SNX29: variants seen among roughly 807,000 people sequenced by gnomAD.
SNX29 encodes sorting nexin-29.
Under a neutral mutation model 102.1 loss-of-function variants are expected in SNX29, and 78 were observed. That is an observed-to-expected ratio of 0.76 (90% CI 0.64 to 0.92). The LOEUF (loss-of-function observed/expected upper bound fraction) is 0.92, where lower values mean the gene tolerates loss of function less well. Ranked by LOEUF, SNX29 falls within the 40% of genes least tolerant of loss-of-function variation. The probability of loss-of-function intolerance (pLI) is 0.00; values close to 1 mark genes in which losing one functional copy is unlikely to be tolerated. For synonymous variants in SNX29, 580 were observed against 414.5 expected (o/e 1.40, Z -4.85); for missense variants, 1,280 against 1,061.7 (o/e 1.21, Z -2.86).
chr16:12,485,100 G>T (rs186862909), intron 19 of SNX29, among the ~76,000 whole-genome samples: 8 of 152,308 alleles, frequency 5.3e-5, no homozygotes, highest in African/African-American at 1.4e-4. Flanking sequence ...AATTCCAAAA[G>T]TGAGTACATA....
chr16:12,541,156 C>G (rs1223768448), intron 20 of SNX29, among the ~76,000 whole-genome samples: 2 of 152,150 alleles, frequency 1.3e-5, no homozygotes, highest in Non-Finnish European at 2.9e-5. Flanking sequence ...TACATCATAC[C>G]CAGACCTGGA....
intron 18 of SNX29, among the ~76,000 whole-genome samples, chr16:12,460,657 CTTTTTT>C (rs56823217): frequency 7.5e-6 from 1 of 133,688 alleles, no homozygotes; most frequent in African/African-American, 2.9e-5. Context: ...TGTGTGAACT[CTTTTTT>C]TTTTTTTTTT....
chr16:12,439,690 C>CTTG (rs747210730), intron 18 of SNX29, among the ~76,000 whole-genome samples: 3,897 of 152,292 alleles, frequency 0.026, 84 homozygotes, highest in East Asian at 0.096. Context: ...ATGGCAGCTA[C>CTTG]AATTCAAGAT....
chr16:12,519,963 G>A (rs894593341), intron 19 of SNX29, among the ~76,000 whole-genome samples: 14 of 152,118 alleles, frequency 9.2e-5, no homozygotes, highest in Non-Finnish European at 1.3e-4. Context: ...CAGCCTGGGC[G>A]ACAGAGCGAG....
At position 12,568,922 on chromosome 16, in the gene SNX29, G is replaced by C. The variant is rs1598129725; in HGVS notation, c.*293G>C. On this transcript the variant is annotated 3_prime_UTR_variant, in exon 21 of 21. Coordinates refer to ENST00000566228, the MANE Select transcript of SNX29 (RefSeq NM_032167.5). Reference sequence around the variant, plus strand: ...AGGGCTGTTCCTCCACCTTTCTGTAGTTCAGGGCTGGCAGGAGGGTGGGCA... The same window carrying C: ...AGGGCTGTTCCTCCACCTTTCTGTACTTCAGGGCTGGCAGGAGGGTGGGCA... 10 of 427,444 alleles carry C rather than the reference G, an allele frequency of 2.3e-5. No individual in the cohort carries two copies. In the East Asian group the frequency reaches 4.2e-4, roughly 18 times the overall value. The allele number at this position is 427,444 out of a possible 1,614,324, so 26.5% of individuals were successfully genotyped here.
intron 8 of SNX29, among the ~76,000 whole-genome samples, chr16:12,059,094 A>G (rs553892802): frequency 2.2e-4 from 34 of 152,154 alleles, no homozygotes; most frequent in Non-Finnish European, 4.3e-4. Context: ...ACTCATTTTG[A>G]GGCGGTGGTC....
intron 14 of SNX29, among the ~76,000 whole-genome samples, chr16:12,226,680 T>G (rs1353631218): frequency 6.6e-6 from 1 of 151,256 alleles, no homozygotes; most frequent in Non-Finnish European, 1.5e-5. Context: ...TTCAAGCAAT[T>G]CTCCTGCCTC....
intron 13 of SNX29, among the ~76,000 whole-genome samples, chr16:12,168,618 G>A (rs2076072095): frequency 6.6e-6 from 1 of 152,164 alleles, no homozygotes; most frequent in Non-Finnish European, 1.5e-5. Context: ...CATTGGCGTG[G>A]TTTCTGGAGC....
At chr16:12,468,382 C>G (rs1319029073) in intron 18 of SNX29, among the ~76,000 whole-genome samples, 2 of 151,916 alleles carry the variant, frequency 1.3e-5, no homozygotes, top group African/African-American at 4.8e-5. Flanking sequence ...ACCATGTTGT[C>G]CAGGCTGGTC....
intron 19 of SNX29, among the ~76,000 whole-genome samples, chr16:12,521,708 G>A (rs753491765): frequency 1.3e-5 from 2 of 152,166 alleles, no homozygotes; most frequent in Non-Finnish European, 2.9e-5. Flanking sequence ...TTGGGCACTA[G>A]CCAGGCATCT....
At chr16:12,244,893 G>C (rs535196187) in intron 14 of SNX29, among the ~76,000 whole-genome samples, 1 of 152,272 alleles carries the variant, frequency 6.6e-6, no homozygotes, top group South Asian at 2.1e-4. Flanking sequence ...ACAGTTTTGT[G>C]TTCTCAAAAG....
chr16:12,359,738 C>G (rs1464161274), intron 16 of SNX29, among the ~76,000 whole-genome samples: 2 of 152,174 alleles, frequency 1.3e-5, no homozygotes, highest in African/African-American at 4.8e-5. Context: ...GATGTATATC[C>G]AATCCATCTT....
chr16:11,986,196 C>CT (rs2055617788), intron 1 of SNX29, among the ~76,000 whole-genome samples: 1 of 151,906 alleles, frequency 6.6e-6, no homozygotes, highest in African/African-American at 2.4e-5. Flanking sequence ...AGTGAGGACT[C>CT]TTTTCCTTGC....
intron 15 of SNX29, among the ~76,000 whole-genome samples, chr16:12,281,022 C>T (rs2079413834): frequency 6.6e-6 from 1 of 152,216 alleles, no homozygotes; most frequent in African/African-American, 2.4e-5. Flanking sequence ...ATCTTCCTAC[C>T]TCAGCCTCCC....
chr16:12,559,303 A>T (rs895293522), intron 20 of SNX29, among the ~76,000 whole-genome samples: 2 of 151,962 alleles, frequency 1.3e-5, no homozygotes, highest in African/African-American at 4.8e-5. Context: ...AAGGCATGCA[A>T]ACCCTATTGT....
At chr16:12,552,268 C>G (rs909943643) in intron 20 of SNX29, among the ~76,000 whole-genome samples, 3 of 152,194 alleles carry the variant, frequency 2.0e-5, no homozygotes, top group African/African-American at 7.2e-5. Flanking sequence ...CTCGTAAGCC[C>G]TGGCCAGTTA....
chr16:12,240,110 C>T (rs2078057139), intron 14 of SNX29, among the ~76,000 whole-genome samples: 1 of 152,222 alleles, frequency 6.6e-6, no homozygotes, highest in Admixed American at 6.5e-5. Flanking sequence ...TTAACGGCCG[C>T]ATGATGTCTC....
chr16:12,118,021 C>G (rs750012917), intron 11 of SNX29, among the ~76,000 whole-genome samples: 1 of 151,580 alleles, frequency 6.6e-6, no homozygotes, highest in Non-Finnish European at 1.5e-5. Context: ...TGCTTCAACA[C>G]GGGAGGCGGA....
At chr16:12,066,780 C>G (rs1351617389) in intron 9 of SNX29, among the ~76,000 whole-genome samples, 1 of 151,678 alleles carries the variant, frequency 6.6e-6, no homozygotes, top group Non-Finnish European at 1.5e-5. Flanking sequence ...TTCCTTGGGC[C>G]ATTCCAGTTG....
Sources: allele counts gnomAD v4.1 joint callset (sites outside exome capture counted in the v4.1 genomes callset), GRCh38; gene constraint gnomAD v4.1.1; transcripts MANE v1.5; gene names NCBI Gene and HGNC (gene_info 2026-07-23, HGNC 2026-07-21).